Variants in DGAT2 observed in about 807,000 individuals in gnomAD.
The protein encoded by DGAT2 is acyl-CoA retinol O-fatty-acyltransferase.
DGAT2 carries 33 observed loss-of-function variants against 48.4 expected under a neutral mutation model. The observed-to-expected ratio is 0.68, with a 90% CI of 0.52 to 0.91. DGAT2 has a LOEUF of 0.91. Ranked by LOEUF, DGAT2 falls within the 40% of genes least tolerant of loss-of-function variation. The pLI is 0.00. For synonymous variants in DGAT2, 191 were observed against 194.1 expected, an observed-to-expected ratio of 0.98 and a Z score of 0.13; for missense variants, 446 against 493.7, an observed-to-expected ratio of 0.90 and a Z score of 0.92.
chr11:75,771,165 C>CA lies in DGAT2; in HGVS notation c.121+2062dup, dbSNP rs144874742. Among the ~76,000 whole-genome samples, 756 of 149,806 alleles carry CA rather than the reference C, an allele frequency of 5.0e-3. 4 individuals carry two copies. Among genetic ancestry groups the CA allele is most frequent in the African/African-American group, 0.018 (720 of 40,788 alleles). ...ATACCTTGGCATCTGGTTTCTTGGC[C>CA]AAAAAAAAAGGCCAGCTGTGGGAGT... On this transcript the variant is annotated intron_variant, in intron 1 of 7. Coordinates refer to ENST00000228027, the MANE Select transcript of DGAT2 (RefSeq NM_032564.5).
chr11:75,781,758 T>G (rs1192425731), intron 1 of DGAT2, among the ~76,000 whole-genome samples: 2 of 152,178 alleles, frequency 1.3e-5, no homozygotes, highest in Admixed American at 6.5e-5. Flanking sequence ...AGCCTGAGCC[T>G]GCAGACCCAC....
Position 75,800,584 on chromosome 11 carries a change from TG to T in DGAT2, c.*79del. The T allele has an allele frequency of 6.8e-7, 1 of 1,475,340 alleles. No homozygotes were observed. The highest frequency in any genetic ancestry group is 9.1e-7 in the Non-Finnish European group (1 of 1,095,434). 91.4% of individuals were successfully genotyped at this position (1,475,340 alleles called of 1,614,324 possible). On this transcript the variant is annotated 3_prime_UTR_variant, in exon 8 of 8. Coordinates refer to ENST00000228027, the MANE Select transcript of DGAT2 (RefSeq NM_032564.5). Reference sequence around the variant, plus strand: ...TTGCTCTGTAAATTTGGAAGTGTCATGGGTGTCTGTGGGTTATTTAAAAGAA... The same window carrying T: ...TTGCTCTGTAAATTTGGAAGTGTCATGGTGTCTGTGGGTTATTTAAAAGAA...
rs1022342510 is a variant in DGAT2, at chr11:75,796,589, C to T, written c.634+57C>T. ...CACTGTTGTCAAGGCCTGAGCCTCT[C>T]CATCGGGCAGGGTGACACAGGGAGC... On this transcript the variant is annotated intron_variant, in intron 5 of 7. Coordinates refer to ENST00000228027, the MANE Select transcript of DGAT2 (RefSeq NM_032564.5). The T allele has an allele frequency of 3.2e-6, 5 of 1,554,978 alleles. 1 individual carries two copies. In the African/African-American group the frequency reaches 4.1e-5, roughly 13 times the overall value.
At position 75,788,671 on chromosome 11, in the gene DGAT2, A is replaced by G. The variant is rs538377560; in HGVS notation, c.251-1517A>G. On this transcript the variant is annotated intron_variant, in intron 2 of 7. Transcript: ENST00000228027. ...CAACATGGTGAGAAGAGAGCATGAC[A>G]TCCAGAGCCAGGCAGCCTACAGCAC... Among the ~76,000 whole-genome samples, 146 of 152,312 alleles carry G rather than the reference A, an allele frequency of 9.6e-4. 2 individuals are homozygous for G. The highest frequency in any genetic ancestry group is 2.7e-3 in the Admixed American group (41 of 15,302).
chr11:75,798,423 A>G lies in DGAT2; in HGVS notation c.1006A>G (p.Thr336Ala), dbSNP rs768287325. The change falls in exon 7 of 8, where the codon ACT becomes GCT. Residue 336 changes from threonine to alanine, a missense_variant. Coordinates refer to ENST00000228027, the MANE Select transcript of DGAT2 (RefSeq NM_032564.5). ...GGTGCCCTACTCCAAGCCCATCACC[A>G]CTGTTGGTAAGCCCCTAGCCTGCAG... Reference protein sequence around the residue: ...GLVPYSKPITTVVGEPITIPK... With the variant: ...GLVPYSKPITAVVGEPITIPK... 9 of 1,612,658 alleles carry G rather than the reference A, an allele frequency of 5.6e-6. No homozygotes were observed. In the East Asian group the frequency reaches 2.0e-4, roughly 36 times the overall value.
Position 75,790,211 on chromosome 11 carries a change from A to G in DGAT2, c.274A>G (p.Met92Val), listed in dbSNP as rs1944970549. Residue 92 changes from methionine to valine, a missense_variant, in exon 3 of 8, where the codon ATG (methionine) becomes GTG (valine). Coordinates refer to ENST00000228027, the MANE Select transcript of DGAT2 (RefSeq NM_032564.5). ...VLGVACSAIL[M>V]YIFCTDCWLI... ...AGGAGTGGCCTGCAGTGCCATCCTC[A>G]TGTACATATTCTGCACTGATTGCTG... The G allele has an allele frequency of 1.2e-6, 2 of 1,614,044 alleles. No homozygotes were observed. The highest frequency in any genetic ancestry group is 1.3e-5 in the African/African-American group (1 of 75,026).
Position 75,798,172 on chromosome 11 carries a change from A to G in DGAT2, c.810-55A>G, listed in dbSNP as rs78412095. The G allele has an allele frequency of 2.8e-3, 4,510 of 1,588,050 alleles. 112 individuals carry two copies. The African/African-American group carries it at 0.053, about 19-fold the overall frequency. On this transcript the variant is annotated intron_variant, in intron 6 of 7. Transcript: ENST00000228027. ...CAGTGTCCAGGGCCTCTAGGCTGACATAGAAACTGAAGCCAGTAAGTAGGG... is the reference window on the plus strand; with the variant it reads ...CAGTGTCCAGGGCCTCTAGGCTGACGTAGAAACTGAAGCCAGTAAGTAGGG...
At chr11:75,781,479 G>A (rs916384679) in intron 1 of DGAT2, among the ~76,000 whole-genome samples, 4 of 152,242 alleles carry the variant, frequency 2.6e-5, no homozygotes, top group Admixed American at 6.5e-5. Flanking sequence ...TTGCCTGAGA[G>A]GGCCTGGGCC....
chr11:75,794,814 C>T (rs185986255), intron 4 of DGAT2: 54 of 152,256 alleles, frequency 3.5e-4, no homozygotes, highest in African/African-American at 1.3e-3. Context: ...GGACTCAATG[C>T]GTCAGATGGT....
intron 7 of DGAT2, 34 bp from the exon 8 acceptor site, chr11:75,800,320 T>G (rs912523891): frequency 8.1e-6 from 13 of 1,607,806 alleles, no homozygotes; most frequent in Non-Finnish European, 1.0e-5. Context: ...GGAAGGGTGT[T>G]GACTAACCAG....
chr11:75,785,066 A>G (rs1379794446), intron 2 of DGAT2, among the ~76,000 whole-genome samples: 4 of 152,152 alleles, frequency 2.6e-5, no homozygotes, highest in African/African-American at 9.7e-5. Context: ...GGACCCCCAA[A>G]GCCTGTGCCT....
intron 5 of DGAT2, chr11:75,796,934 A>C: frequency 2.1e-6 from 1 of 483,964 alleles, no homozygotes; most frequent in Non-Finnish European, 3.6e-6. Flanking sequence ...TGCCAAATGC[A>C]TGAGTTCCCA....
chr11:75,781,521 C>T (rs1282767782), intron 1 of DGAT2, among the ~76,000 whole-genome samples: 1 of 152,256 alleles, frequency 6.6e-6, no homozygotes, highest in African/African-American at 2.4e-5. Flanking sequence ...CTCCCAGCTT[C>T]CCTCTCCAGG....
intron 4 of DGAT2, 100 bp from the exon 5 acceptor site, chr11:75,796,228 G>A: frequency 1.0e-6 from 1 of 998,050 alleles, no homozygotes; most frequent in South Asian, 1.4e-5. Flanking sequence ...GCCCATGGAG[G>A]TCCAGGGGAA....
intron 2 of DGAT2, among the ~76,000 whole-genome samples, chr11:75,785,717 TG>T (rs1303670800): frequency 6.6e-6 from 1 of 152,214 alleles, no homozygotes; most frequent in African/African-American, 2.4e-5. Flanking sequence ...TCTTCGGGAC[TG>T]TATAGGCTGG....
rs1167949238 is a variant in DGAT2 at position 75,768,941 on chromosome 11, G to T, written c.-51G>T. ...CCGGGGGCCGGGGCATGGGCCAGGGGCGCGGGGTGAAGCGGCTTCCCGCGG... is the reference window on the plus strand; with the variant it reads ...CCGGGGGCCGGGGCATGGGCCAGGGTCGCGGGGTGAAGCGGCTTCCCGCGG... On this transcript the variant is annotated 5_prime_UTR_variant, in exon 1 of 8. Coordinates refer to ENST00000228027, the MANE Select transcript of DGAT2 (RefSeq NM_032564.5). 4 of 1,423,492 alleles carry T rather than the reference G, an allele frequency of 2.8e-6. No individual in the cohort carries two copies. The highest frequency in any genetic ancestry group is 9.2e-7 in the Non-Finnish European group (1 of 1,091,476). 88.2% of individuals were successfully genotyped at this position (1,423,492 alleles called of 1,614,324 possible). A position where few individuals can be genotyped will look rare whatever the true frequency, so the allele number is the denominator to read the frequency against.
chr11:75,788,432 C>T (rs1345073335), intron 2 of DGAT2, among the ~76,000 whole-genome samples: 1 of 152,164 alleles, frequency 6.6e-6, no homozygotes, highest in Admixed American at 6.5e-5. Context: ...CTAAGCTGGT[C>T]CTGAAAAATT....
intron 3 of DGAT2, 98 bp downstream of exon 3, chr11:75,790,393 C>A: frequency 9.2e-7 from 1 of 1,091,850 alleles, no homozygotes; most frequent in Non-Finnish European, 1.4e-6. Context: ...TTTCTTTTAA[C>A]ACCCACTTTG....
intron 6 of DGAT2, 84 bp downstream of exon 6, chr11:75,797,416 C>T (rs993486959): frequency 1.5e-6 from 2 of 1,320,802 alleles, no homozygotes; most frequent in Non-Finnish European, 2.0e-6. Context: ...GAAGACAGGA[C>T]CCAGACCCCA....
Sources: allele counts gnomAD v4.1 joint callset (sites outside exome capture counted in the v4.1 genomes callset), GRCh38; gene constraint gnomAD v4.1.1; transcripts MANE v1.5; gene names NCBI Gene and HGNC (gene_info 2026-07-23, HGNC 2026-07-21).